CHRM3: variants seen among roughly 807,000 people sequenced by gnomAD.
CHRM3 encodes the protein cholinergic receptor muscarinic 3.
A neutral mutation model predicts 41.8 loss-of-function variants in CHRM3; 11 were observed. That is an observed-to-expected ratio of 0.26 (90% CI 0.17 to 0.44). The LOEUF is 0.44. CHRM3 is among the 20% of genes least tolerant of loss of function. CHRM3 has a pLI of 1.00. For missense variants in CHRM3, 571 were observed against 745.4 expected, an observed-to-expected ratio of 0.77 and a Z score of 2.72; for synonymous variants, 297 against 301.4, an observed-to-expected ratio of 0.99 and a Z score of 0.15.
At chr1:239,673,131 C>A (rs921308179) in intron 4 of CHRM3, among the ~76,000 whole-genome samples, 1 of 152,102 alleles carries the variant, frequency 6.6e-6, no homozygotes, top group East Asian at 1.9e-4. Flanking sequence ...AGCTGGAGAA[C>A]GTGTCTGGGC....
chr1:239,908,660 G>A lies in CHRM3; in HGVS notation c.1209G>A (p.Arg403=). The A allele has an allele frequency of 6.2e-7, 1 of 1,612,744 alleles. No individual in the cohort carries two copies. Among genetic ancestry groups the A allele is most frequent in the African/African-American group, 1.3e-5 (1 of 75,016 alleles). ...EEELGMVDLE[R]KADKLQAQKS... is the part of the protein sequence containing the mutation. ...AGCTGGGGATGGTGGACTTGGAGAGGAAAGCCGACAAGCTGCAGGCCCAGA... is the reference window on the plus strand; with the variant it reads ...AGCTGGGGATGGTGGACTTGGAGAGAAAAGCCGACAAGCTGCAGGCCCAGA... Residue 403 remains arginine (R), a synonymous_variant, in exon 7 of 7, where the codon AGG becomes AGA. Coordinates refer to ENST00000676153, the MANE Select transcript of CHRM3 (RefSeq NM_001375978.1). This position sits in a 1 kb window ranked among gnomAD's most constrained non-coding sequence, Gnocchi z 7.2.
intron 5 of CHRM3, among the ~76,000 whole-genome samples, chr1:239,758,824 C>T (rs529176991): frequency 2.6e-5 from 4 of 152,204 alleles, no homozygotes; most frequent in South Asian, 2.1e-4. Context: ...ATTTCAGAAG[C>T]GCGCAAGTTG....
chr1:239,682,893 G>A (rs1021191118), intron 5 of CHRM3, among the ~76,000 whole-genome samples: 6 of 152,052 alleles, frequency 3.9e-5, no homozygotes, highest in African/African-American at 1.4e-4. Flanking sequence ...ATATTTATGG[G>A]GGTAAAGTGT....
intron 3 of CHRM3, among the ~76,000 whole-genome samples, chr1:239,623,062 A>C (rs928289678): frequency 1.4e-4 from 21 of 152,192 alleles, no homozygotes; most frequent in African/African-American, 4.8e-4. Context: ...CCAAAAAAAA[A>C]AAATTATAAC....
intron 3 of CHRM3, among the ~76,000 whole-genome samples, chr1:239,575,407 A>G (rs866998811): frequency 6.6e-6 from 1 of 152,208 alleles, no homozygotes; most frequent in Non-Finnish European, 1.5e-5. Context: ...TCAAGTCCTA[A>G]TAAAGCTCAG....
At chr1:239,889,223 G>A (rs1678334598) in intron 6 of CHRM3, among the ~76,000 whole-genome samples, 1 of 152,202 alleles carries the variant, frequency 6.6e-6, no homozygotes, top group African/African-American at 2.4e-5. Flanking sequence ...ATAGAGCACG[G>A]AAGATTGGTT....
At chr1:239,792,185 A>G (rs1051181643) in intron 5 of CHRM3, among the ~76,000 whole-genome samples, 2 of 152,040 alleles carry the variant, frequency 1.3e-5, no homozygotes, top group Admixed American at 6.6e-5. Context: ...TTCCTTTCTG[A>G]CTTTCACTGC....
chr1:239,731,334 C>T lies in CHRM3; in HGVS notation c.-147+53046C>T, dbSNP rs543286466. On this transcript the variant is annotated intron_variant, in intron 5 of 6. Coordinates refer to ENST00000676153, the MANE Select transcript of CHRM3 (RefSeq NM_001375978.1). ...AGTGGGTAGAGGAGGAGAACATAGC[C>T]GGCCTGAGGATATCTACATCAAAGA... Among the ~76,000 whole-genome samples, 45 of 151,868 alleles carry T rather than the reference C, an allele frequency of 3.0e-4. No individual in the cohort carries two copies. The South Asian group carries it at 5.6e-3, about 19-fold the overall frequency.
intron 4 of CHRM3, among the ~76,000 whole-genome samples, chr1:239,637,314 G>A (rs1261058482): frequency 6.6e-6 from 1 of 151,862 alleles, no homozygotes; most frequent in African/African-American, 2.4e-5. Flanking sequence ...ATATTCTATA[G>A]CATACATAAA....
intron 2 of CHRM3, among the ~76,000 whole-genome samples, chr1:239,541,384 A>G (rs920220121): frequency 1.3e-5 from 2 of 152,202 alleles, no homozygotes; most frequent in African/African-American, 2.4e-5. Flanking sequence ...GGAGCTGCCT[A>G]AAGTTGACTT....
At chr1:239,874,548 C>A (rs1676954737) in intron 6 of CHRM3, among the ~76,000 whole-genome samples, 1 of 151,230 alleles carries the variant, frequency 6.6e-6, no homozygotes, top group Non-Finnish European at 1.5e-5. Context: ...TGGATCCGAT[C>A]CCTGATGATA....
intron 4 of CHRM3, among the ~76,000 whole-genome samples, chr1:239,654,743 A>G (rs772122733): frequency 2.0e-5 from 3 of 152,202 alleles, no homozygotes; most frequent in Non-Finnish European, 4.4e-5. Flanking sequence ...CAGGGCTGTA[A>G]TATTGGAACA....
At position 239,594,861 on chromosome 1, in the gene CHRM3, G is replaced by A. The variant is rs540273789; in HGVS notation, c.-312-37363G>A. Among the ~76,000 whole-genome samples, 445 of 152,168 alleles carry A rather than the reference G, an allele frequency of 2.9e-3. 2 individuals carry two copies. The highest frequency in any genetic ancestry group is 0.011 in the African/African-American group (437 of 41,518). ...TCCCAGCACTTTGGGAGGCTGAGGC[G>A]GGAGGATCACCTGAGGTCAGGAGTT... On this transcript the variant is annotated intron_variant, in intron 3 of 6. Coordinates refer to ENST00000676153, the MANE Select transcript of CHRM3 (RefSeq NM_001375978.1).
chr1:239,669,203 C>A (rs1674117171), intron 4 of CHRM3, among the ~76,000 whole-genome samples: 1 of 152,056 alleles, frequency 6.6e-6, no homozygotes, highest in Non-Finnish European at 1.5e-5. Flanking sequence ...ATTTCTAATG[C>A]CTTAAAAGGG....
At chr1:239,679,600 G>A (rs1040328092) in intron 5 of CHRM3, among the ~76,000 whole-genome samples, 1 of 152,124 alleles carries the variant, frequency 6.6e-6, no homozygotes, top group Non-Finnish European at 1.5e-5. Context: ...GTTTTCCAAA[G>A]AGTTCTACTT....
chr1:239,679,995 G>A (rs766086671), intron 5 of CHRM3, among the ~76,000 whole-genome samples: 17 of 151,972 alleles, frequency 1.1e-4, no homozygotes, highest in South Asian at 2.1e-4. Flanking sequence ...GGTGGACCGC[G>A]GGCTTCAGAA....
chr1:239,867,099 A>G (rs682355), intron 6 of CHRM3, among the ~76,000 whole-genome samples: 69,389 of 152,094 alleles, frequency 0.46, 17,086 homozygotes, highest in East Asian at 0.56. Context: ...CCAGACAGCC[A>G]TCTTCTTTAG....
chr1:239,633,032 G>A (rs1435756202), intron 4 of CHRM3, among the ~76,000 whole-genome samples: 2 of 152,212 alleles, frequency 1.3e-5, no homozygotes, highest in Admixed American at 6.5e-5. Flanking sequence ...GAGTGCAGTG[G>A]CGCCATCTCA....
At chr1:239,482,821 ATGAT>A (rs1666945355) in intron 1 of CHRM3, among the ~76,000 whole-genome samples, 1 of 152,210 alleles carries the variant, frequency 6.6e-6, no homozygotes, top group African/African-American at 2.4e-5. Context: ...TATTTGTCAA[ATGAT>A]TGAATGAATA....
Sources: gnomAD v4.1 joint callset for allele counts (sites outside exome capture counted in the v4.1 genomes callset) on GRCh38, gnomAD v4.1.1 for gene constraint, Gnocchi (gnomAD v3.1) non-coding constraint, MANE v1.5 for transcripts, NCBI Gene and HGNC (gene_info 2026-07-23, HGNC 2026-07-21) for gene names.